KCNS3: variants seen among roughly 807,000 people sequenced by gnomAD.
KCNS3 encodes potassium voltage-gated channel modifier subfamily S member 3.
KCNS3 carries 13 observed loss-of-function variants against 31.0 expected under a neutral mutation model. That is an observed-to-expected ratio of 0.42 (90% CI 0.27 to 0.67). The LOEUF is 0.67. Among genes scored for constraint, KCNS3 ranks in the 30% least tolerant of loss-of-function variants. The pLI is 0.25. For synonymous variants in KCNS3, 238 were observed against 241.5 expected (o/e 0.99, Z 0.13); for missense variants, 545 against 622.4 (o/e 0.88, Z 1.32).
At chr2:17,917,174 C>A (rs1462095387) in intron 1 of KCNS3, among the ~76,000 whole-genome samples, 1 of 152,024 alleles carries the variant, frequency 6.6e-6, no homozygotes, top group Admixed American at 6.6e-5. Flanking sequence ...TAATAATGGG[C>A]AAATAAAGCA....
chr2:17,916,495 T>C (rs930853836), intron 1 of KCNS3, among the ~76,000 whole-genome samples: 2 of 152,198 alleles, frequency 1.3e-5, no homozygotes, highest in Non-Finnish European at 2.9e-5. Context: ...AAGTTCAGTT[T>C]GGGTGGAGCT....
At chr2:17,878,966 C>T (rs1214375520) in intron 1 of KCNS3, among the ~76,000 whole-genome samples, 160 bp downstream of exon 1, 1 of 152,228 alleles carries the variant, frequency 6.6e-6, no homozygotes, top group Non-Finnish European at 1.5e-5. Context: ...GAGCACTTTC[C>T]GTCCTTCTGG....
At chr2:17,904,465 T>G (rs867892599) in intron 1 of KCNS3, among the ~76,000 whole-genome samples, 3 of 152,188 alleles carry the variant, frequency 2.0e-5, no homozygotes, top group Middle Eastern at 3.4e-3. Context: ...TTAGTTTAAT[T>G]AGATCCCATT....
chr2:17,932,527 T>G lies in KCNS3; in HGVS notation c.*43T>G. The G allele has an allele frequency of 6.4e-7, 1 of 1,562,394 alleles. No individual in the cohort carries two copies. Among genetic ancestry groups the G allele is most frequent in the South Asian group, 1.2e-5 (1 of 80,174 alleles). The stretch of plus-strand genomic sequence containing the variant: ...TGTTTCTCTTATCCTTTCCCGACAT[T>G]AGGTTAACACAGCTTTATAAACCTC... On this transcript the variant is annotated 3_prime_UTR_variant, in exon 3 of 3. Coordinates refer to ENST00000304101, the MANE Select transcript of KCNS3 (RefSeq NM_002252.5).
At position 17,909,900 on chromosome 2, in the gene KCNS3, G is replaced by A. The variant is rs1357580895; in HGVS notation, c.-251-7780G>A. Among the ~76,000 whole-genome samples the A allele has an allele frequency of 4.6e-5, 7 of 152,298 alleles. No individual in the cohort carries two copies. The East Asian group carries it at 1.2e-3, about 25-fold the overall frequency. ...GGTGGATGGTGGGCACTTTGACTCT[G>A]AGTAGGATGGAAGCCACTGGAGGGT... On this transcript the variant is annotated intron_variant, in intron 1 of 2. Coordinates refer to ENST00000304101, the MANE Select transcript of KCNS3 (RefSeq NM_002252.5).
intron 1 of KCNS3, among the ~76,000 whole-genome samples, chr2:17,893,917 C>T (rs1276097350): frequency 6.8e-6 from 1 of 147,300 alleles, no homozygotes; most frequent in Admixed American, 6.8e-5. Flanking sequence ...CCTTCCTCCC[C>T]TCTGCCATGA....
At chr2:17,925,830 C>G (rs1375816176) in intron 2 of KCNS3, among the ~76,000 whole-genome samples, 1 of 152,194 alleles carries the variant, frequency 6.6e-6, no homozygotes, top group Non-Finnish European at 1.5e-5. Flanking sequence ...ATCTCATGTC[C>G]TCATGTTTTA....
At chr2:17,909,536 T>C (rs1019089464) in intron 1 of KCNS3, among the ~76,000 whole-genome samples, 1 of 152,150 alleles carries the variant, frequency 6.6e-6, no homozygotes, top group African/African-American at 2.4e-5. Flanking sequence ...AAATCACTCG[T>C]CTTCTGCGTT....
intron 1 of KCNS3, among the ~76,000 whole-genome samples, chr2:17,880,086 G>A (rs542547300): frequency 2.4e-4 from 36 of 152,318 alleles, no homozygotes; most frequent in African/African-American, 8.2e-4. Context: ...AACTGTGTAA[G>A]TCACTCCTAG....
chr2:17,887,826 T>C (rs1398725100), intron 1 of KCNS3, among the ~76,000 whole-genome samples: 1 of 152,058 alleles, frequency 6.6e-6, no homozygotes, highest in East Asian at 1.9e-4. Flanking sequence ...CCACATCCAC[T>C]TCAACATCTA....
intron 1 of KCNS3, among the ~76,000 whole-genome samples, chr2:17,885,746 T>C (rs1419812138): frequency 6.6e-6 from 1 of 152,206 alleles, no homozygotes; most frequent in East Asian, 1.9e-4. Flanking sequence ...GTCTACCAAT[T>C]TATATGCCAG....
At position 17,928,091 on chromosome 2, in the gene KCNS3, C is replaced by A. The variant is rs1662876725; in HGVS notation, c.-59-2859C>A. Among the ~76,000 whole-genome samples, 4 of 152,116 alleles carry A rather than the reference C, an allele frequency of 2.6e-5. No homozygotes were observed. The South Asian group carries it at 8.3e-4, about 32-fold the overall frequency. Reference sequence around the variant, plus strand: ...TCTCTTTAAATATTTTAGAGTTTGACCCTTTTTGTTGACACTAGCAATTTG... The same window carrying A: ...TCTCTTTAAATATTTTAGAGTTTGAACCTTTTTGTTGACACTAGCAATTTG... On this transcript the variant is annotated intron_variant, in intron 2 of 2. Coordinates refer to ENST00000304101, the MANE Select transcript of KCNS3 (RefSeq NM_002252.5).
intron 1 of KCNS3, among the ~76,000 whole-genome samples, chr2:17,881,648 G>A (rs189228890): frequency 4.6e-5 from 7 of 152,342 alleles, no homozygotes; most frequent in Admixed American, 1.3e-4. Context: ...CACCCAGCCC[G>A]GAAAAGGTGA....
intron 1 of KCNS3, among the ~76,000 whole-genome samples, chr2:17,895,307 T>C (rs1002444169): frequency 5.3e-5 from 8 of 152,320 alleles, no homozygotes; most frequent in African/African-American, 1.9e-4. Context: ...GTAAATATGC[T>C]GAAGATTTAT....
chr2:17,893,452 C>T (rs758558967), intron 1 of KCNS3, among the ~76,000 whole-genome samples: 4 of 152,198 alleles, frequency 2.6e-5, no homozygotes, highest in Non-Finnish European at 4.4e-5. Flanking sequence ...CTTCTCGCCC[C>T]GTTCAAATTG....
intron 1 of KCNS3, among the ~76,000 whole-genome samples, chr2:17,888,645 A>ATATATC (rs1661759776): frequency 8.1e-6 from 1 of 123,754 alleles, no homozygotes; most frequent in African/African-American, 3.2e-5. Flanking sequence ...ATATATATAT[A>ATATATC]TATATATATA....
In KCNS3 at chr2:17,932,609, C is replaced by G. The variant is rs1269581820; in HGVS notation, c.*125C>G. 2 of 971,876 alleles carry G rather than the reference C, an allele frequency of 2.1e-6. No individual in the cohort carries two copies. The highest frequency in any genetic ancestry group is 3.3e-5 in the African/African-American group (2 of 61,514). The allele number at this position is 971,876 out of a possible 1,614,324, so 60.2% of individuals were successfully genotyped here. A position where few individuals can be genotyped will look rare whatever the true frequency, so the allele number is the denominator to read the frequency against. On this transcript the variant is annotated 3_prime_UTR_variant, in exon 3 of 3. Coordinates refer to ENST00000304101, the MANE Select transcript of KCNS3 (RefSeq NM_002252.5). Reference sequence around the variant, plus strand: ...GGTGTACCTTTCAGCCATAGTTGGACATTCATTGCTGAATTCTGAAATGAT... The same window carrying G: ...GGTGTACCTTTCAGCCATAGTTGGAGATTCATTGCTGAATTCTGAAATGAT...
chr2:17,905,027 T>G (rs1356797088), intron 1 of KCNS3, among the ~76,000 whole-genome samples: 1 of 152,234 alleles, frequency 6.6e-6, no homozygotes, highest in Non-Finnish European at 1.5e-5. Flanking sequence ...GGGGATGGCA[T>G]TGAATCTATA....
chr2:17,920,572 T>A (rs1335582435), intron 2 of KCNS3, among the ~76,000 whole-genome samples: 9 of 152,216 alleles, frequency 5.9e-5, no homozygotes, highest in Admixed American at 5.9e-4. Context: ...TTTTGACATA[T>A]TCTTCTTCTT....
Sources: gnomAD v4.1 joint callset for allele counts (sites outside exome capture counted in the v4.1 genomes callset) on GRCh38, gnomAD v4.1.1 for gene constraint, MANE v1.5 for transcripts, NCBI Gene and HGNC (gene_info 2026-07-23, HGNC 2026-07-21) for gene names.